TELO2: variants seen among roughly 807,000 people sequenced by gnomAD.
TELO2 encodes the protein telomere maintenance 2, also known as telomere length regulation protein TEL2 homolog.
Under a neutral mutation model 91.0 loss-of-function variants are expected in TELO2, and 71 were observed. The ratio of observed to expected loss-of-function variants is 0.78; its 90% CI spans 0.64 to 0.95. The LOEUF (loss-of-function observed/expected upper bound fraction) is 0.95. Ranked by LOEUF, TELO2 falls within the 40% of genes least tolerant of loss-of-function variation. The pLI is 0.00. For synonymous variants in TELO2, 584 were observed against 518.9 expected (o/e 1.13, Z -1.71); for missense variants, 1,183 against 1,141.3 (o/e 1.04, Z -0.53).
At chr16:1,502,012 C>T (rs1439517698) in intron 11 of TELO2, 35 bp from the exon 12 acceptor site, 8 of 1,612,270 alleles carry the variant, frequency 5.0e-6, no homozygotes, top group Non-Finnish European at 6.8e-6. Context: ...TGTCACAGGC[C>T]ATGGGCTGCT....
At position 1,499,217 on chromosome 16, in the gene TELO2, A is replaced by T; in HGVS notation, c.831-14A>T. On this transcript the variant is annotated splice_polypyrimidine_tract_variant and intron_variant, in intron 5 of 20. Transcript: ENST00000262319. ...GGCCGGCTTGCAGCTCTGGCCCCTG[A>T]CTCTGTCTTGCAGGCCTGAGGTCCT... The T allele has an allele frequency of 1.2e-6, 2 of 1,613,558 alleles. No individual in the cohort carries two copies. The highest frequency in any genetic ancestry group is 2.7e-5 in the African/African-American group (2 of 74,986).
Position 1,506,333 on chromosome 16 carries a change from A to G in TELO2, c.2126+4A>G. 2 of 1,613,882 alleles carry G rather than the reference A, an allele frequency of 1.2e-6. No individual in the cohort carries two copies. Among genetic ancestry groups the G allele is most frequent in the South Asian group, 2.2e-5 (2 of 91,068 alleles). On this transcript the variant is annotated splice_donor_region_variant and intron_variant, in intron 17 of 20. Coordinates refer to ENST00000262319, the MANE Select transcript of TELO2 (RefSeq NM_016111.4). ...CCCTCCTTCAGCGCTTTGACAGGTG[A>G]GTGGGTTTTCCGTGGGCCTGTGGAC...
rs969574880 is a variant in TELO2, at chr16:1,494,140, G to C, written c.-36-106G>C. On this transcript the variant is annotated intron_variant, in intron 1 of 20. Coordinates refer to ENST00000262319, the MANE Select transcript of TELO2 (RefSeq NM_016111.4). This position sits in a 1 kb window ranked among gnomAD's most constrained non-coding sequence, Gnocchi z 5.6. ...AAGGAGGCGGGACAGGGTTGGGTGG[G>C]ACCAGGGTTGAGGGGTGTGGGGTCT... 2.7e-6 allele frequency: 2 copies of C among 728,858 alleles called. No individual in the cohort carries two copies. Among genetic ancestry groups the C allele is most frequent in the Middle Eastern group, 6.6e-4 (2 of 3,032 alleles). 45.1% of individuals were successfully genotyped at this position (728,858 alleles called of 1,614,324 possible).
In TELO2 at chr16:1,507,542, G is replaced by A. The variant is rs995158307; in HGVS notation, c.2292-59G>A. 3 of 1,513,588 alleles carry A rather than the reference G, an allele frequency of 2.0e-6. No individual in the cohort carries two copies. The African/African-American group carries it at 4.1e-5, about 21-fold the overall frequency. The allele number at this position is 1,513,588 out of a possible 1,614,324, so 93.8% of individuals were successfully genotyped here. ...CGTGGGTGGTCTGCCACACTGAGGG[G>A]AGTGGGAGGTCTGGGGTGTGGTCCC... On this transcript the variant is annotated intron_variant, in intron 19 of 20. Coordinates refer to ENST00000262319, the MANE Select transcript of TELO2 (RefSeq NM_016111.4).
At chr16:1,500,011 C>T in intron 6 of TELO2, 85 bp from the exon 7 acceptor site, 2 of 1,473,112 alleles carry the variant, frequency 1.4e-6, no homozygotes, top group South Asian at 1.3e-5. Flanking sequence ...TGGTCCCAGT[C>T]CTGGCATGGC....
chr16:1,502,805 G>A (rs1193716824), intron 14 of TELO2, 44 bp downstream of exon 14: 1 of 1,604,726 alleles, frequency 6.2e-7, no homozygotes, highest in African/African-American at 1.3e-5. Context: ...AGGCACAGCG[G>A]GAAGCACTGG....
Position 1,507,001 on chromosome 16 carries a change from A to T in TELO2, c.2176A>T (p.Arg726Trp), listed in dbSNP as rs2039917473. Reference protein sequence around the residue: ...LLGEDQLVLGRLAHTLGALMC... With the variant: ...LLGEDQLVLGWLAHTLGALMC... Reference sequence around the variant, plus strand: ...GGGAGAAGACCAGCTGGTTCTCGGAAGGCTGGCGCACACCTTAGGGGCCCT... The same window carrying T: ...GGGAGAAGACCAGCTGGTTCTCGGATGGCTGGCGCACACCTTAGGGGCCCT... The change falls in exon 18 of 21, where the codon AGG becomes TGG. Residue 726 changes from arginine to tryptophan, a missense_variant. Coordinates refer to ENST00000262319, the MANE Select transcript of TELO2 (RefSeq NM_016111.4). 1 of 1,612,126 alleles carries T rather than the reference A, an allele frequency of 6.2e-7. No individual in the cohort carries two copies. The highest frequency in any genetic ancestry group is 8.5e-7 in the Non-Finnish European group (1 of 1,179,322).
intron 2 of TELO2, 130 bp from the exon 3 acceptor site, chr16:1,495,216 T>C (rs2039434741): frequency 3.9e-6 from 5 of 1,272,884 alleles, no homozygotes; most frequent in Non-Finnish European, 5.3e-6. Context: ...ATCCGGCTTG[T>C]GGTTTTGGAC....
Position 1,500,695 on chromosome 16 carries a change from T to A in TELO2, c.1277T>A (p.Phe426Tyr), listed in dbSNP as rs2039648561. 6.2e-7 allele frequency: 1 copy of A among 1,612,276 alleles called. No homozygotes were observed. The part of the protein sequence containing the change: ...RIHPEGPPLK[F>Y]QYEEDELSLE... Reference sequence around the variant, plus strand: ...CACCCCGAGGGGCCTCCCCTGAAATTCCAGGTGAGCGGGCCGTCCCCTCCG... The same window carrying A: ...CACCCCGAGGGGCCTCCCCTGAAATACCAGGTGAGCGGGCCGTCCCCTCCG... The change falls in exon 9 of 21, where the codon TTC becomes TAC. Residue 426 changes from phenylalanine (F) to tyrosine (Y), a missense_variant. By Grantham distance (22) the Phe-to-Tyr change is conservative. Coordinates refer to ENST00000262319, the MANE Select transcript of TELO2 (RefSeq NM_016111.4).
chr16:1,496,212 T>G (rs753646228), intron 3 of TELO2, among the ~76,000 whole-genome samples: 3 of 152,196 alleles, frequency 2.0e-5, no homozygotes, highest in Non-Finnish European at 4.4e-5. Flanking sequence ...ACCCTCCACA[T>G]GCTGCCCCGA....
Position 1,495,467 on chromosome 16 carries a change from C to T in TELO2, c.457C>T (p.Arg153Trp), listed in dbSNP as rs1465189324. The T allele has an allele frequency of 7.5e-6, 12 of 1,609,700 alleles. No homozygotes were observed. The East Asian group carries it at 1.3e-4, about 18-fold the overall frequency. The change falls in exon 3 of 21, where the codon CGG becomes TGG. Residue 153 changes from arginine (R) to tryptophan (W), a missense_variant. Coordinates refer to ENST00000262319, the MANE Select transcript of TELO2 (RefSeq NM_016111.4). ...GACGCAGCCCGGCTTCATCCTGCTC[C>T]GGGAGACGCTGCTGGGCAAGGTGGT... ...QQTQPGFILLRETLLGKVVAL... is the reference protein window; with the variant it reads ...QQTQPGFILLWETLLGKVVAL...
rs769119769 is a variant in TELO2 at position 1,502,298 on chromosome 16, C to A, written c.1562-15C>A. On this transcript the variant is annotated splice_polypyrimidine_tract_variant and intron_variant, in intron 12 of 20. Coordinates refer to ENST00000262319, the MANE Select transcript of TELO2 (RefSeq NM_016111.4). The stretch of plus-strand genomic sequence containing the variant: ...AGGGCTGAGGCTGACCGAGGCCTCT[C>A]TGGGTTCTGTGCAGCCCTGACCACG... 6.3e-7 allele frequency: 1 copy of A among 1,594,396 alleles called. No individual in the cohort carries two copies. Among genetic ancestry groups the A allele is most frequent in the South Asian group, 1.1e-5 (1 of 88,920 alleles).
At chr16:1,501,266 C>A (rs576804391) in intron 9 of TELO2, among the ~76,000 whole-genome samples, 154 bp from the exon 10 acceptor site, 4 of 152,196 alleles carry the variant, frequency 2.6e-5, no homozygotes, top group Non-Finnish European at 4.4e-5. Context: ...CTTAGAAAGT[C>A]GCTTTTAAAA....
In TELO2 at chr16:1,502,912, C is replaced by T; in HGVS notation, c.1771-19C>T. ...CCCTCAGGTCCCGGACCACAGCAGC[C>T]TCTCCCCTGTGTCCTCAGGTGGCCG... is the stretch of plus-strand genomic sequence containing the variant. On this transcript the variant is annotated intron_variant, in intron 14 of 20. Transcript: ENST00000262319. 1.2e-6 allele frequency: 2 copies of T among 1,609,950 alleles called. No individual in the cohort carries two copies. Among genetic ancestry groups the T allele is most frequent in the Non-Finnish European group, 1.7e-6 (2 of 1,180,000 alleles).
intron 13 of TELO2, 120 bp downstream of exon 13, chr16:1,502,524 C>CT (rs2039727927): frequency 2.0e-6 from 3 of 1,504,002 alleles, no homozygotes; most frequent in Non-Finnish European, 2.7e-6. Context: ...GCTGCCTCTC[C>CT]CGGGGGGCCT....
At position 1,507,572 on chromosome 16, in the gene TELO2, G is replaced by A. The variant is rs574952550; in HGVS notation, c.2292-29G>A. 195 of 1,557,134 alleles carry A rather than the reference G, an allele frequency of 1.3e-4. 2 individuals carry two copies. In the South Asian group the frequency reaches 2.0e-3, roughly 16 times the overall value. ...GGAGGTCTGGGGTGTGGTCCCTGCC[G>A]AGCTCAGCCCCCGCCTTCTTGCCGG... is the stretch of plus-strand genomic sequence containing the variant. On this transcript the variant is annotated intron_variant, in intron 19 of 20. Transcript: ENST00000262319.
rs921117462 is a variant in TELO2 at position 1,505,171 on chromosome 16, C to T, written c.1843-239C>T. On this transcript the variant is annotated intron_variant, in intron 15 of 20. Transcript: ENST00000262319. The surrounding 1 kb of genome is among the most constrained non-coding windows in gnomAD (Gnocchi z 4.3). Reference sequence around the variant, plus strand: ...CGTGGCTTTAGGATGAGGCTGCGCTCGGCCCTGGGCGTGTTCTCATCTCCT... The same window carrying T: ...CGTGGCTTTAGGATGAGGCTGCGCTTGGCCCTGGGCGTGTTCTCATCTCCT... The T allele has an allele frequency of 2.5e-5, 13 of 516,864 alleles. No individual in the cohort carries two copies. The highest frequency in any genetic ancestry group is 6.5e-5 in the Admixed American group (2 of 30,902). 32.0% of individuals were successfully genotyped at this position (516,864 alleles called of 1,614,324 possible).
intron 14 of TELO2, 56 bp from the exon 15 acceptor site, chr16:1,502,875 C>G (rs2294603): frequency 0.068 from 109,724 of 1,604,322 alleles, 5,580 homozygotes; most frequent in African/African-American, 0.25. Flanking sequence ...GCCCGGAGGT[C>G]GCCCCGGGTG....
intron 3 of TELO2, among the ~76,000 whole-genome samples, chr16:1,496,570 G>T (rs894474246): frequency 6.6e-6 from 1 of 152,210 alleles, no homozygotes; most frequent in African/African-American, 2.4e-5. Context: ...GCTGCCCCGC[G>T]TCCCAGCTCT....
Sources: gnomAD v4.1 joint callset for allele counts (sites outside exome capture counted in the v4.1 genomes callset) on GRCh38, gnomAD v4.1.1 for gene constraint, Gnocchi (gnomAD v3.1) non-coding constraint, MANE v1.5 for transcripts, NCBI Gene and HGNC (gene_info 2026-07-23, HGNC 2026-07-21) for gene names.